The following UST variants were observed in gnomAD, a reference collection of about 807,000 sequenced individuals.
UST encodes the protein uronyl 2-sulfotransferase, also known as chondroitin sulfate 2-O-sulfotransferase.
In UST, 21 loss-of-function variants were observed where a neutral mutation model predicts 45.6. The observed-to-expected ratio is 0.46, with a 90% CI of 0.33 to 0.66. The LOEUF (loss-of-function observed/expected upper bound fraction) is 0.66. Ranked by LOEUF, UST falls within the 30% of genes least tolerant of loss-of-function variation. UST has a pLI of 0.02. For synonymous variants in UST, 215 were observed against 200.6 expected (o/e 1.07, Z -0.61); for missense variants, 463 against 512.4 (o/e 0.90, Z 0.93).
At chr6:148,966,862 C>CA (rs1427434172) in intron 5 of UST, among the ~76,000 whole-genome samples, 3 of 152,132 alleles carry the variant, frequency 2.0e-5, no homozygotes, top group Non-Finnish European at 4.4e-5. Context: ...TCAGCCTCCC[C>CA]AGCAGCTAGG....
At chr6:148,990,273 AT>A in intron 5 of UST, 1 of 453,898 alleles carries the variant, frequency 2.2e-6, no homozygotes, top group Non-Finnish European at 2.9e-6. Flanking sequence ...GCTTGGCCAT[AT>A]TTTATATAAT....
intron 7 of UST, among the ~76,000 whole-genome samples, chr6:149,027,021 A>G (rs1056489083): frequency 6.6e-6 from 1 of 152,206 alleles, no homozygotes; most frequent in Admixed American, 6.5e-5. Flanking sequence ...TGGAATATTT[A>G]TACTTAAATA....
intron 2 of UST, among the ~76,000 whole-genome samples, chr6:148,915,735 T>C (rs1779576661): frequency 6.6e-6 from 1 of 151,032 alleles, no homozygotes; most frequent in South Asian, 2.1e-4. Flanking sequence ...ATATGAAAAA[T>C]AGGGGAATGC....
chr6:148,975,389 T>C (rs972305410), intron 5 of UST, among the ~76,000 whole-genome samples: 3 of 152,114 alleles, frequency 2.0e-5, no homozygotes, highest in Non-Finnish European at 2.9e-5. Context: ...GCTCCAACGA[T>C]GTTTGCCTCT....
chr6:148,980,813 A>G (rs2114980076), intron 5 of UST, among the ~76,000 whole-genome samples: 1 of 152,098 alleles, frequency 6.6e-6, no homozygotes, highest in South Asian at 2.1e-4. Flanking sequence ...TCTACCTCCC[A>G]GGTTCAAACC....
rs141176388 is a variant in UST, at chr6:148,796,965, G to T, written c.247+49288G>T. On this transcript the variant is annotated intron_variant, in intron 1 of 7. Coordinates refer to ENST00000367463, the MANE Select transcript of UST (RefSeq NM_005715.3). ...TTACAGGCGCCTCCCATGATGTCCG[G>T]CTATGTTTTGTATTTTTAGTAGAGA... Among the ~76,000 whole-genome samples the T allele has an allele frequency of 5.6e-3, 857 of 151,860 alleles. 8 individuals carry two copies. The highest frequency in any genetic ancestry group is 0.02 in the African/African-American group (821 of 41,422).
At chr6:148,931,840 G>A (rs2072998120) in intron 2 of UST, among the ~76,000 whole-genome samples, 2 of 152,194 alleles carry the variant, frequency 1.3e-5, no homozygotes, top group South Asian at 4.1e-4. Flanking sequence ...GAAGTTGAAA[G>A]GCCTCTTAGA....
chr6:148,764,983 G>C (rs1466642237), intron 1 of UST, among the ~76,000 whole-genome samples: 3 of 152,244 alleles, frequency 2.0e-5, no homozygotes, highest in Admixed American at 2.0e-4. Context: ...ACCCATTTTA[G>C]AGGCCCCGCC....
intron 5 of UST, among the ~76,000 whole-genome samples, chr6:148,987,344 C>G (rs1023766076): frequency 8.5e-5 from 13 of 152,174 alleles, no homozygotes; most frequent in Admixed American, 5.9e-4. Flanking sequence ...GGCCTGAGAG[C>G]TTAGCTCTGC....
intron 5 of UST, among the ~76,000 whole-genome samples, chr6:149,011,325 C>T (rs1426251511): frequency 1.3e-5 from 2 of 152,066 alleles, no homozygotes; most frequent in Non-Finnish European, 2.9e-5. Flanking sequence ...AGGGTAATGG[C>T]AGTGGCGGGG....
At chr6:148,766,548 G>A (rs1005142149) in intron 1 of UST, among the ~76,000 whole-genome samples, 3 of 152,296 alleles carry the variant, frequency 2.0e-5, no homozygotes, top group African/African-American at 7.2e-5. Flanking sequence ...TGTACCTGGA[G>A]GGACAGAGAA....
At chr6:148,995,637 G>A (rs974424429) in intron 5 of UST, among the ~76,000 whole-genome samples, 5 of 152,246 alleles carry the variant, frequency 3.3e-5, no homozygotes, top group African/African-American at 1.2e-4. Flanking sequence ...CATGTGACTT[G>A]CCGACGTGTT....
rs113088620 is a variant in UST at position 148,790,345 on chromosome 6, G to A, written c.247+42668G>A. On this transcript the variant is annotated intron_variant, in intron 1 of 7. Transcript: ENST00000367463. This position sits in a 1 kb window ranked among gnomAD's most constrained non-coding sequence, Gnocchi z 4.2. ...TCTCCAGCGCCTCATGATGTCAGAT[G>A]TAGAATAATCCTTCACTATATTTGC... Among the ~76,000 whole-genome samples the A allele has an allele frequency of 1.6e-3, 243 of 152,306 alleles. 1 individual carries two copies. The highest frequency in any genetic ancestry group is 5.4e-3 in the African/African-American group (226 of 41,580).
chr6:148,965,065 C>T, intron 5 of UST, among the ~76,000 whole-genome samples: 1 of 152,254 alleles, frequency 6.6e-6, no homozygotes, highest in East Asian at 1.9e-4. Flanking sequence ...CCGACTGTTT[C>T]GGGTTTCCTG....
chr6:148,832,571 G>T (rs1043942179), intron 1 of UST, among the ~76,000 whole-genome samples: 4 of 152,364 alleles, frequency 2.6e-5, no homozygotes, highest in African/African-American at 7.2e-5. Flanking sequence ...TTAGGTTGGG[G>T]TGATGGTGTC....
At chr6:148,970,153 G>C (rs1006545518) in intron 5 of UST, among the ~76,000 whole-genome samples, 3 of 152,182 alleles carry the variant, frequency 2.0e-5, no homozygotes, top group African/African-American at 7.2e-5. Flanking sequence ...CACTTCTGGG[G>C]GTTAGCAAGA....
chr6:148,942,590 T>A (rs1379321955), intron 3 of UST, among the ~76,000 whole-genome samples: 1 of 152,030 alleles, frequency 6.6e-6, no homozygotes, highest in East Asian at 1.9e-4. Context: ...AATAAAAAAA[T>A]AAATAAATAA....
At chr6:149,049,392 C>T (rs949078515) in intron 7 of UST, among the ~76,000 whole-genome samples, 10 of 152,074 alleles carry the variant, frequency 6.6e-5, no homozygotes, top group Admixed American at 2.6e-4. Flanking sequence ...AATATGATAC[C>T]AGTTTTACTA....
At chr6:149,057,318 C>T (rs1776579080) in intron 7 of UST, among the ~76,000 whole-genome samples, 2 of 151,820 alleles carry the variant, frequency 1.3e-5, no homozygotes, top group South Asian at 4.1e-4. Flanking sequence ...CCTTTACATT[C>T]TCAGAGTCAG....
Sources: allele counts gnomAD v4.1 joint callset (sites outside exome capture counted in the v4.1 genomes callset), GRCh38; gene constraint gnomAD v4.1.1; non-coding constraint Gnocchi (gnomAD v3.1); transcripts MANE v1.5; gene names NCBI Gene and HGNC (gene_info 2026-07-23, HGNC 2026-07-21).